The following MCC variants were observed in gnomAD, a reference collection of about 807,000 sequenced individuals.
MCC encodes MCC regulator of Wnt signaling pathway.
A neutral mutation model predicts 116.2 loss-of-function variants in MCC; 90 were observed. The ratio of observed to expected loss-of-function variants is 0.77; its 90% CI spans 0.65 to 0.92. MCC has a LOEUF of 0.92. Ranked by LOEUF, MCC falls within the 40% of genes least tolerant of loss-of-function variation. MCC has a pLI of 0.00. For missense variants in MCC, 1,516 were observed against 1,312.2 expected (o/e 1.16, Z -2.40); for synonymous variants, 578 against 510.5 (o/e 1.13, Z -1.78).
At chr5:113,297,240 T>C (rs1051008836) in intron 3 of MCC, among the ~76,000 whole-genome samples, 3 of 152,106 alleles carry the variant, frequency 2.0e-5, no homozygotes, top group Non-Finnish European at 4.4e-5. Flanking sequence ...TGGTGGCTCA[T>C]GCCTGTAATC....
At chr5:113,195,852 T>C (rs962801257) in intron 3 of MCC, among the ~76,000 whole-genome samples, 2 of 152,198 alleles carry the variant, frequency 1.3e-5, no homozygotes, top group African/African-American at 4.8e-5. Flanking sequence ...GTCTCTCATC[T>C]GGCGCCTCCT....
rs753459174 is a variant in MCC at position 113,053,926 on chromosome 5, G to A, written c.2247C>T (p.Thr749=). 24 of 1,613,488 alleles carry A rather than the reference G, an allele frequency of 1.5e-5. No homozygotes were observed. Among genetic ancestry groups the A allele is most frequent in the South Asian group, 2.2e-5 (2 of 91,064 alleles). Residue 749 remains threonine, a synonymous_variant, in exon 15 of 19, where the codon ACC becomes ACT. Coordinates refer to ENST00000408903, the MANE Select transcript of MCC (RefSeq NM_001085377.2). ...TCTGCTCGTCTTCTTTAGTGAACTC[G>A]GTGTCGCAACTACTGGCTGTGGAGC... ...TTSSTASSCD[T]EFTKEDEQRL...
intron 1 of MCC, among the ~76,000 whole-genome samples, chr5:113,470,849 T>G (rs200764801): frequency 6.6e-6 from 1 of 151,856 alleles, no homozygotes; most frequent in Non-Finnish European, 1.5e-5. Context: ...TTTCACATAG[T>G]CCCATATTTC....
At chr5:113,105,860 T>A (rs1411638262) in intron 6 of MCC, among the ~76,000 whole-genome samples, 6 of 152,124 alleles carry the variant, frequency 3.9e-5, no homozygotes, top group African/African-American at 1.2e-4. Context: ...TCATATAAAG[T>A]CCCAACTCCT....
At chr5:113,121,833 C>T (rs1757753320) in intron 6 of MCC, among the ~76,000 whole-genome samples, 2 of 150,828 alleles carry the variant, frequency 1.3e-5, no homozygotes, top group African/African-American at 5.0e-5. Flanking sequence ...TATGCTGCTC[C>T]TCCCTCTTTT....
chr5:113,137,594 A>T (rs961238671), intron 5 of MCC, among the ~76,000 whole-genome samples: 2 of 152,048 alleles, frequency 1.3e-5, no homozygotes, highest in African/African-American at 4.8e-5. Context: ...TTGGTTTGCT[A>T]GTATTTTGTT....
At chr5:113,145,782 ACAAACACACACACACAC>A (rs1759475857) in intron 4 of MCC, among the ~76,000 whole-genome samples, 1 of 13,722 alleles carries the variant, frequency 7.3e-5, no homozygotes, top group Non-Finnish European at 2.0e-4. Context: ...ACACACACAC[ACAAACACACACACACAC>A]ACACACAAAA....
chr5:113,190,819 T>C (rs1007390315), intron 3 of MCC, among the ~76,000 whole-genome samples: 11 of 152,102 alleles, frequency 7.2e-5, no homozygotes, highest in African/African-American at 2.7e-4. Flanking sequence ...AACAAGGGAT[T>C]GTCTAAATCT....
rs1223645515 is a variant in MCC, at chr5:113,143,284, G to A, written c.818C>T (p.Thr273Ile). The change falls in exon 5 of 19, where the codon ACA becomes ATA. Residue 273 changes from threonine to isoleucine, a missense_variant. Transcript: ENST00000408903. ...RTTLRYEERI[T>I]ELHSVIAELN... ...CTCCGCAATGACGCTGTGGAGCTCTGTGATGCGTTCCTCATAGCGAAGTGT... is the reference window on the plus strand; with the variant it reads ...CTCCGCAATGACGCTGTGGAGCTCTATGATGCGTTCCTCATAGCGAAGTGT... The A allele has an allele frequency of 1.2e-6, 2 of 1,613,796 alleles. No individual in the cohort carries two copies. Among genetic ancestry groups the A allele is most frequent in the Admixed American group, 1.7e-5 (1 of 59,960 alleles).
intron 2 of MCC, among the ~76,000 whole-genome samples, chr5:113,351,855 A>G (rs1482933755): frequency 1.3e-5 from 2 of 152,180 alleles, no homozygotes; most frequent in African/African-American, 4.8e-5. Flanking sequence ...TAAAAATACA[A>G]CTGTTCTGGG....
At chr5:113,143,733 G>A (rs1759328956) in intron 4 of MCC, among the ~76,000 whole-genome samples, 1 of 152,160 alleles carries the variant, frequency 6.6e-6, no homozygotes. Context: ...TTGAGCCAAT[G>A]GATGTAAGGT....
intron 3 of MCC, among the ~76,000 whole-genome samples, chr5:113,324,289 G>C (rs1042603183): frequency 6.6e-6 from 1 of 152,044 alleles, no homozygotes; most frequent in African/African-American, 2.4e-5. Flanking sequence ...CAAATGCATA[G>C]TACAAATATT....
At chr5:113,293,338 G>A (rs932937729) in intron 3 of MCC, among the ~76,000 whole-genome samples, 1 of 152,044 alleles carries the variant, frequency 6.6e-6, no homozygotes, top group African/African-American at 2.4e-5. Flanking sequence ...CTTTTACACT[G>A]TTTTCCTTTT....
At chr5:113,221,272 C>G (rs1433096333) in intron 3 of MCC, among the ~76,000 whole-genome samples, 1 of 152,200 alleles carries the variant, frequency 6.6e-6, no homozygotes, top group Admixed American at 6.5e-5. Context: ...TGGGTGAAAC[C>G]ACGTTTGCAA....
intron 3 of MCC, among the ~76,000 whole-genome samples, chr5:113,235,622 C>T (rs753546720): frequency 2.6e-5 from 4 of 152,214 alleles, no homozygotes; most frequent in African/African-American, 4.8e-5. Flanking sequence ...TCGCAACTCT[C>T]TCCTGGCCCA....
chr5:113,466,657 T>C (rs1771918140), intron 1 of MCC, among the ~76,000 whole-genome samples: 1 of 152,260 alleles, frequency 6.6e-6, no homozygotes, highest in South Asian at 2.1e-4. Context: ...TGTGCATGTG[T>C]CTTTATAGCA....
At chr5:113,155,687 G>A (rs751327160) in intron 3 of MCC, among the ~76,000 whole-genome samples, 18 of 152,204 alleles carry the variant, frequency 1.2e-4, no homozygotes, top group Non-Finnish European at 1.9e-4. Context: ...TAACTTGAGA[G>A]ATTCAGACAT....
intron 1 of MCC, among the ~76,000 whole-genome samples, chr5:113,469,607 G>A (rs1772020200): frequency 6.6e-6 from 1 of 152,150 alleles, no homozygotes; most frequent in African/African-American, 2.4e-5. Flanking sequence ...TTCCAACTAT[G>A]TGGTCAATTT....
chr5:113,195,434 A>C (rs1421489546), intron 3 of MCC, among the ~76,000 whole-genome samples: 2 of 152,108 alleles, frequency 1.3e-5, no homozygotes, highest in African/African-American at 4.8e-5. Flanking sequence ...CAACAGCCTC[A>C]AACATGTTTC....
Sources: allele counts gnomAD v4.1 joint callset (sites outside exome capture counted in the v4.1 genomes callset), GRCh38; gene constraint gnomAD v4.1.1; transcripts MANE v1.5; gene names NCBI Gene and HGNC (gene_info 2026-07-23, HGNC 2026-07-21).